Variants in SYNDIG1 observed in about 807,000 individuals in gnomAD.
The protein encoded by SYNDIG1 is synapse differentiation inducing 1, also known as synapse differentiation-inducing gene protein 1.
A neutral mutation model predicts 19.4 loss-of-function variants in SYNDIG1; 9 were observed. The observed-to-expected ratio is 0.46, with a 90% CI of 0.28 to 0.81. The LOEUF (loss-of-function observed/expected upper bound fraction) is 0.81, where lower values mean the gene tolerates loss of function less well. Ranked by LOEUF, SYNDIG1 falls within the 30% of genes least tolerant of loss-of-function variation. SYNDIG1 has a pLI of 0.12. For missense variants in SYNDIG1, 311 were observed against 343.3 expected (o/e 0.91, Z 0.74); for synonymous variants, 141 against 145.9 (o/e 0.97, Z 0.24).
intron 2 of SYNDIG1, among the ~76,000 whole-genome samples, chr20:24,550,830 T>C (rs2057692986): frequency 6.6e-6 from 1 of 152,164 alleles, no homozygotes; most frequent in Admixed American, 6.5e-5. Flanking sequence ...GCTTTGCAGA[T>C]AACAGACCAT....
intron 1 of SYNDIG1, among the ~76,000 whole-genome samples, chr20:24,500,476 TTC>T (rs1251303497): frequency 1.3e-4 from 1 of 7,454 alleles, no homozygotes; most frequent in African/African-American, 1.8e-4. Flanking sequence ...GCAGATTCTT[TTC>T]TTTCTTTCTT....
intron 3 of SYNDIG1, 100 bp from the exon 4 acceptor site, chr20:24,665,246 C>A (rs2059637034): frequency 7.0e-7 from 1 of 1,421,022 alleles, no homozygotes; most frequent in Non-Finnish European, 9.5e-7. Context: ...TCTGCATCAA[C>A]AATGCCTTTT....
At chr20:24,632,896 A>G (rs140689538) in intron 3 of SYNDIG1, among the ~76,000 whole-genome samples, 1 of 151,814 alleles carries the variant, frequency 6.6e-6, no homozygotes, top group East Asian at 1.9e-4. Flanking sequence ...AGAACTTGAA[A>G]TGAACTTATT....
At chr20:24,598,392 A>C (rs1321639280) in intron 3 of SYNDIG1, among the ~76,000 whole-genome samples, 1 of 152,282 alleles carries the variant, frequency 6.6e-6, no homozygotes, top group African/African-American at 2.4e-5. Flanking sequence ...AAAAGCCTTC[A>C]GATATACCCA....
At chr20:24,519,262 C>A (rs930342978) in intron 1 of SYNDIG1, among the ~76,000 whole-genome samples, 9 of 152,186 alleles carry the variant, frequency 5.9e-5, no homozygotes, top group African/African-American at 1.9e-4. Flanking sequence ...ATTGTGTAGT[C>A]ATTTCTGAAC....
intron 3 of SYNDIG1, among the ~76,000 whole-genome samples, chr20:24,663,388 TG>T (rs1568724574): frequency 6.6e-6 from 1 of 152,158 alleles, no homozygotes; most frequent in Non-Finnish European, 1.5e-5. Flanking sequence ...AGCTTGAGCA[TG>T]AGAGCTCTGG....
intron 3 of SYNDIG1, among the ~76,000 whole-genome samples, chr20:24,626,705 T>C (rs1434088423): frequency 3.3e-5 from 5 of 152,216 alleles, no homozygotes; most frequent in Non-Finnish European, 5.9e-5. Context: ...ATCTCGGCAC[T>C]TTGGGGGGCC....
chr20:24,488,200 T>C (rs985193591), intron 1 of SYNDIG1, among the ~76,000 whole-genome samples: 1 of 152,244 alleles, frequency 6.6e-6, no homozygotes, highest in Non-Finnish European at 1.5e-5. Flanking sequence ...TGGAAGGGAA[T>C]TCAGCTGGTC....
chr20:24,556,890 C>A (rs1231529114), intron 2 of SYNDIG1, among the ~76,000 whole-genome samples: 2 of 152,186 alleles, frequency 1.3e-5, no homozygotes, highest in African/African-American at 4.8e-5. Flanking sequence ...GGATAATATC[C>A]TGCAGAGTGT....
intron 1 of SYNDIG1, among the ~76,000 whole-genome samples, chr20:24,505,514 G>A (rs889831379): frequency 1.1e-4 from 17 of 152,212 alleles, no homozygotes; most frequent in African/African-American, 3.6e-4. Flanking sequence ...CACATGGATT[G>A]TTCCCTTCTG....
chr20:24,563,706 A>G (rs1260416391), intron 2 of SYNDIG1, among the ~76,000 whole-genome samples: 1 of 152,142 alleles, frequency 6.6e-6, no homozygotes, highest in East Asian at 1.9e-4. Context: ...GACTCAAGCA[A>G]TCTTCCCACC....
At chr20:24,552,536 CTA>C (rs901220129) in intron 2 of SYNDIG1, among the ~76,000 whole-genome samples, 2 of 147,884 alleles carry the variant, frequency 1.4e-5, no homozygotes, top group Non-Finnish European at 1.5e-5. Flanking sequence ...CAATTCCCAC[CTA>C]TGAGTGAGAA....
At chr20:24,522,324 C>CAA (rs2057022821) in intron 1 of SYNDIG1, among the ~76,000 whole-genome samples, 1 of 152,144 alleles carries the variant, frequency 6.6e-6, no homozygotes, top group Non-Finnish European at 1.5e-5. Context: ...CTCCTAGCTC[C>CAA]AAGCGATCCT....
At chr20:24,551,223 C>T (rs773318413) in intron 2 of SYNDIG1, among the ~76,000 whole-genome samples, 11 of 152,162 alleles carry the variant, frequency 7.2e-5, no homozygotes, top group East Asian at 1.9e-4. Flanking sequence ...ATCTGAAGAT[C>T]GTCCTTTATT....
intron 2 of SYNDIG1, among the ~76,000 whole-genome samples, chr20:24,548,457 A>G (rs1304418575): frequency 6.6e-6 from 1 of 152,222 alleles, no homozygotes; most frequent in East Asian, 1.9e-4. Flanking sequence ...TATAACTGCA[A>G]TAGAGCACTT....
At chr20:24,502,654 G>A (rs2056483450) in intron 1 of SYNDIG1, among the ~76,000 whole-genome samples, 1 of 152,238 alleles carries the variant, frequency 6.6e-6, no homozygotes, top group Admixed American at 6.5e-5. Flanking sequence ...TTAAGAGTTA[G>A]TGTCATTCCA....
At chr20:24,550,060 TACA>T (rs2057675218) in intron 2 of SYNDIG1, among the ~76,000 whole-genome samples, 1 of 152,164 alleles carries the variant, frequency 6.6e-6, no homozygotes, top group African/African-American at 2.4e-5. Flanking sequence ...CGGGCCAAAA[TACA>T]ACTTTTTGGG....
intron 1 of SYNDIG1, chr20:24,491,535 G>A (rs1056956203): frequency 2.0e-5 from 3 of 152,260 alleles, no homozygotes; most frequent in Non-Finnish European, 2.9e-5. Context: ...TGCTGCAGGA[G>A]GGATTTGCCT....
At chr20:24,571,062 C>T (rs981190453) in intron 2 of SYNDIG1, among the ~76,000 whole-genome samples, 1 of 152,126 alleles carries the variant, frequency 6.6e-6, no homozygotes, top group Non-Finnish European at 1.5e-5. Context: ...CCTATGCCTG[C>T]TCGAAAAGAC....
Sources: allele counts gnomAD v4.1 joint callset (sites outside exome capture counted in the v4.1 genomes callset), GRCh38; gene constraint gnomAD v4.1.1; transcripts MANE v1.5; gene names NCBI Gene and HGNC (gene_info 2026-07-23, HGNC 2026-07-21).